Variants in RNF13 observed in about 807,000 individuals in gnomAD.
RNF13 encodes E3 ubiquitin-protein ligase RNF13.
A neutral mutation model predicts 37.7 loss-of-function variants in RNF13; 19 were observed. The observed-to-expected ratio is 0.50, with a 90% CI of 0.35 to 0.74. The LOEUF (loss-of-function observed/expected upper bound fraction) is 0.74. Ranked by LOEUF, RNF13 falls within the 30% of genes least tolerant of loss-of-function variation. RNF13 has a pLI of 0.01. For missense variants in RNF13, 375 were observed against 453.0 expected (o/e 0.83, Z 1.56); for synonymous variants, 144 against 157.8 (o/e 0.91, Z 0.65).
intron 4 of RNF13, among the ~76,000 whole-genome samples, chr3:149,880,592 A>T (rs939838385): frequency 1.3e-5 from 2 of 152,122 alleles, no homozygotes; most frequent in Admixed American, 1.3e-4. Flanking sequence ...GGTTATTCAG[A>T]TTTTCTTAAT....
intron 4 of RNF13, among the ~76,000 whole-genome samples, chr3:149,884,930 G>C (rs1713853840): frequency 1.3e-5 from 2 of 151,484 alleles, no homozygotes; most frequent in African/African-American, 4.9e-5. Flanking sequence ...TTATCTCCAT[G>C]AGTTCAATTG....
At chr3:149,813,595 A>G (rs1576696562) in intron 1 of RNF13, among the ~76,000 whole-genome samples, 1 of 152,246 alleles carries the variant, frequency 6.6e-6, no homozygotes, top group East Asian at 1.9e-4. Context: ...TCCAAAGTTG[A>G]GTTACCGGTT....
chr3:149,933,009 C>G (rs1013060348), intron 8 of RNF13, among the ~76,000 whole-genome samples: 1 of 152,232 alleles, frequency 6.6e-6, no homozygotes, highest in Non-Finnish European at 1.5e-5. Context: ...ACCTGGCAAG[C>G]CTTCTTTCCT....
intron 3 of RNF13, among the ~76,000 whole-genome samples, chr3:149,865,343 T>TATATATATATA (rs939468937): frequency 4.1e-5 from 6 of 147,060 alleles, no homozygotes; most frequent in African/African-American, 9.9e-5. Context: ...TATATATATA[T>TATATATATATA]ATATATATGT....
intron 3 of RNF13, among the ~76,000 whole-genome samples, chr3:149,868,385 G>C (rs1487357036): frequency 6.6e-6 from 1 of 151,508 alleles, no homozygotes; most frequent in African/African-American, 2.4e-5. Flanking sequence ...TTTCTTGTAA[G>C]ACAGGCCTGG....
chr3:149,857,972 A>T (rs1310391464), intron 3 of RNF13, among the ~76,000 whole-genome samples: 1 of 152,130 alleles, frequency 6.6e-6, no homozygotes, highest in Non-Finnish European at 1.5e-5. Flanking sequence ...TCCCTCATGA[A>T]TTGCTTGATG....
At chr3:149,828,222 A>C (rs1021624766) in intron 1 of RNF13, among the ~76,000 whole-genome samples, 1 of 152,238 alleles carries the variant, frequency 6.6e-6, no homozygotes, top group African/African-American at 2.4e-5. Flanking sequence ...ATGGAATGAC[A>C]GTGCAAGTTA....
intron 1 of RNF13, among the ~76,000 whole-genome samples, chr3:149,821,075 G>A (rs1373084871): frequency 6.6e-6 from 1 of 152,044 alleles, no homozygotes; most frequent in East Asian, 1.9e-4. Flanking sequence ...ATCCATCGAT[G>A]GATATTTGGG....
At chr3:149,843,906 CA>C (rs1480950388) in intron 1 of RNF13, among the ~76,000 whole-genome samples, 1 of 152,240 alleles carries the variant, frequency 6.6e-6, no homozygotes, top group Non-Finnish European at 1.5e-5. Flanking sequence ...ATGCTTACAG[CA>C]ATGCCTGGCA....
chr3:149,903,937 A>ATCTGTCTGTCTG (rs34025145), intron 6 of RNF13, among the ~76,000 whole-genome samples: 9 of 148,492 alleles, frequency 6.1e-5, no homozygotes, highest in South Asian at 2.1e-4. Flanking sequence ...ATATCTGTCT[A>ATCTGTCTGTCTG]TCTGTCTGTC....
Position 149,842,939 on chromosome 3 carries a change from A to G in RNF13, c.-16-3072A>G, listed in dbSNP as rs1255478454. Among the ~76,000 whole-genome samples, 3 of 152,196 alleles carry G rather than the reference A, an allele frequency of 2.0e-5. 1 individual carries two copies. Among genetic ancestry groups the G allele is most frequent in the Admixed American group, 2.0e-4 (3 of 15,280 alleles). On this transcript the variant is annotated intron_variant, in intron 1 of 9. Transcript: ENST00000392894. ...GAAAATATTCATAATACCTTAAGTG[A>G]AAAAAATACAATTAGTAAAACAGTA...
intron 1 of RNF13, among the ~76,000 whole-genome samples, chr3:149,836,760 G>A (rs1337617186): frequency 6.6e-6 from 1 of 152,116 alleles, no homozygotes; most frequent in African/African-American, 2.4e-5. Flanking sequence ...AGTGTCAATT[G>A]AGAGATGAAT....
rs527967635 is a variant in RNF13, at chr3:149,956,034, A to G, written c.701-4022A>G. Among the ~76,000 whole-genome samples, 10 of 152,270 alleles carry G rather than the reference A, an allele frequency of 6.6e-5. No homozygotes were observed. In the South Asian group the frequency reaches 1.7e-3, roughly 25 times the overall value. ...ATTCAAAGACTGAAAGAAGGCCACAAGGATGAAGCATGAATGAAGGGTGGA... is the reference window on the plus strand; with the variant it reads ...ATTCAAAGACTGAAAGAAGGCCACAGGGATGAAGCATGAATGAAGGGTGGA... On this transcript the variant is annotated intron_variant, in intron 8 of 9. Coordinates refer to ENST00000392894, the MANE Select transcript of RNF13 (RefSeq NM_183381.3).
intron 3 of RNF13, among the ~76,000 whole-genome samples, chr3:149,859,668 C>T (rs1724020857): frequency 6.6e-6 from 1 of 151,956 alleles, no homozygotes; most frequent in African/African-American, 2.4e-5. Context: ...TTTTATTCTT[C>T]TGCTCATGAA....
intron 4 of RNF13, among the ~76,000 whole-genome samples, chr3:149,873,929 G>A (rs1387877670): frequency 6.6e-6 from 1 of 152,174 alleles, no homozygotes; most frequent in Non-Finnish European, 1.5e-5. Flanking sequence ...ATTATAGTGT[G>A]TGGTAATCAA....
chr3:149,893,882 C>A (rs541986985), intron 4 of RNF13: 2 of 152,124 alleles, frequency 1.3e-5, no homozygotes, highest in Non-Finnish European at 2.9e-5. Flanking sequence ...TGATTTCTTG[C>A]CATTCCTACA....
At chr3:149,828,174 A>G (rs1720692690) in intron 1 of RNF13, among the ~76,000 whole-genome samples, 1 of 152,230 alleles carries the variant, frequency 6.6e-6, no homozygotes, top group African/African-American at 2.4e-5. Context: ...AGACTCTAGC[A>G]CTTAAACATA....
chr3:149,839,872 T>C (rs1006605861), intron 1 of RNF13, among the ~76,000 whole-genome samples: 1 of 152,264 alleles, frequency 6.6e-6, no homozygotes, highest in African/African-American at 2.4e-5. Context: ...TTGTCTTTAC[T>C]GTTTCTCATC....
intron 3 of RNF13, among the ~76,000 whole-genome samples, chr3:149,858,876 C>T (rs116486940): frequency 6.6e-6 from 1 of 152,272 alleles, no homozygotes; most frequent in East Asian, 1.9e-4. Context: ...CAGTTAATTT[C>T]AAAATTCTTA....
Sources: gnomAD v4.1 joint callset for allele counts (sites outside exome capture counted in the v4.1 genomes callset) on GRCh38, gnomAD v4.1.1 for gene constraint, MANE v1.5 for transcripts, NCBI Gene and HGNC (gene_info 2026-07-23, HGNC 2026-07-21) for gene names.